CTTNBP2NL: variants seen among roughly 807,000 people sequenced by gnomAD.
CTTNBP2NL encodes the protein CTTNBP2 N-terminal like, also known as CTTNBP2 N-terminal-like protein.
In CTTNBP2NL, 16 loss-of-function variants were observed where a neutral mutation model predicts 32.5. The ratio of observed to expected loss-of-function variants is 0.49; its 90% CI spans 0.33 to 0.75. The LOEUF (loss-of-function observed/expected upper bound fraction) is 0.75. CTTNBP2NL is among the 30% of genes least tolerant of loss of function. CTTNBP2NL has a pLI of 0.02. For missense variants in CTTNBP2NL, 645 were observed against 756.0 expected, an observed-to-expected ratio of 0.85 and a Z score of 1.72; for synonymous variants, 298 against 289.4, an observed-to-expected ratio of 1.03 and a Z score of -0.30.
intron 3 of CTTNBP2NL, among the ~76,000 whole-genome samples, chr1:112,437,801 G>T (rs1319514154): frequency 2.0e-5 from 3 of 152,186 alleles, no homozygotes; most frequent in Non-Finnish European, 4.4e-5. Flanking sequence ...GGGATTGCAG[G>T]TGTGAGCCAC....
At chr1:112,427,268 CG>C (rs1410500769) in intron 3 of CTTNBP2NL, among the ~76,000 whole-genome samples, 1 of 152,038 alleles carries the variant, frequency 6.6e-6, no homozygotes, top group African/African-American at 2.4e-5. Flanking sequence ...CATTTTTTCT[CG>C]TTAATCTGGG....
upstream of CTTNBP2NL, among the ~76,000 whole-genome samples, chr1:112,393,505 G>T (rs926327258): frequency 6.6e-6 from 1 of 152,098 alleles, no homozygotes; most frequent in Non-Finnish European, 1.5e-5. Flanking sequence ...CTAAGATATT[G>T]TTATGAACCA....
At chr1:112,419,585 A>G (rs972504824) in intron 3 of CTTNBP2NL, among the ~76,000 whole-genome samples, 3 of 152,186 alleles carry the variant, frequency 2.0e-5, no homozygotes, top group African/African-American at 4.8e-5. Flanking sequence ...CAAGTTCACT[A>G]TAAGTCCATA....
At chr1:112,427,259 A>AT (rs1190320495) in intron 3 of CTTNBP2NL, among the ~76,000 whole-genome samples, 2 of 152,146 alleles carry the variant, frequency 1.3e-5, no homozygotes, top group Non-Finnish European at 2.9e-5. Context: ...TTCCGAAGGC[A>AT]TTTTTTCTCG....
intron 4 of CTTNBP2NL, among the ~76,000 whole-genome samples, chr1:112,454,090 T>TC (rs914920674): frequency 6.6e-6 from 1 of 152,198 alleles, no homozygotes; most frequent in Non-Finnish European, 1.5e-5. Flanking sequence ...CCTGTCTTGC[T>TC]CCATCACCTA....
Position 112,457,072 on chromosome 1 carries a change from C to G in CTTNBP2NL, c.1580C>G (p.Ser527Cys), listed in dbSNP as rs201802276. 6.2e-7 allele frequency: 1 copy of G among 1,614,204 alleles called. No homozygotes were observed. Among genetic ancestry groups the G allele is most frequent in the Non-Finnish European group, 8.5e-7 (1 of 1,180,040 alleles). ...GPIKPVSPNS[S>C]PFGTDYRNLA... Reference sequence around the variant, plus strand: ...ATCAAGCCAGTCTCTCCCAACAGCTCTCCCTTTGGCACAGACTATCGAAAT... The same window carrying G: ...ATCAAGCCAGTCTCTCCCAACAGCTGTCCCTTTGGCACAGACTATCGAAAT... The change falls in exon 6 of 6, where the codon TCT (serine) becomes TGT (cysteine). Residue 527 changes from serine to cysteine, a missense_variant. By Grantham distance (112) the Ser-to-Cys change is moderately radical. Coordinates refer to ENST00000271277, the MANE Select transcript of CTTNBP2NL (RefSeq NM_018704.3).
intron 3 of CTTNBP2NL, among the ~76,000 whole-genome samples, chr1:112,423,271 ACT>A (rs1204770303): frequency 6.6e-6 from 1 of 151,242 alleles, no homozygotes; most frequent in African/African-American, 2.4e-5. Context: ...CATTATCTTA[ACT>A]CTATTTTTTT....
In CTTNBP2NL at chr1:112,454,453, TC is replaced by T. The variant is rs777004280; in HGVS notation, c.337del (p.Leu113Ter). The T allele has an allele frequency of 6.2e-7, 1 of 1,612,562 alleles. No homozygotes were observed. Among genetic ancestry groups the T allele is most frequent in the Non-Finnish European group, 8.5e-7 (1 of 1,178,634 alleles). The stretch of plus-strand genomic sequence containing the variant: ...AATTTAAAAAATTCTTTAAAGGTGA[TC>T]CTAGACCTTGAGGAAGAAAGGCAGC... ...AAAESRHRKV[I>X]LDLEEERQRH... On this transcript the variant is annotated frameshift_variant, in exon 5 of 6. Coordinates refer to ENST00000271277, the MANE Select transcript of CTTNBP2NL (RefSeq NM_018704.3). LOFTEE classifies it high-confidence loss of function.
intron 1 of CTTNBP2NL, among the ~76,000 whole-genome samples, chr1:112,400,503 A>T (rs1648466660): frequency 6.6e-6 from 1 of 152,202 alleles, no homozygotes; most frequent in South Asian, 2.1e-4. Flanking sequence ...TCTACTAAAA[A>T]TACAAAAATT....
In CTTNBP2NL at chr1:112,457,336, T is replaced by A. The variant is rs1374652890; in HGVS notation, c.1844T>A (p.Leu615His). 1 of 1,614,074 alleles carries A rather than the reference T, an allele frequency of 6.2e-7. No homozygotes were observed. Among genetic ancestry groups the A allele is most frequent in the African/African-American group, 1.3e-5 (1 of 74,936 alleles). Residue 615 changes from leucine (L) to histidine (H), a missense_variant, in exon 6 of 6, where the codon CTT (leucine) becomes CAT (histidine). By Grantham distance (99) the Leu-to-His change is moderately conservative. Transcript: ENST00000271277. ...GCCTCTTTGACCACTGCAGAAGACC[T>A]TGCCAGCAGCTGCTCTTCCAATACT... Reference protein sequence around the residue: ...QAASLTTAEDLASSCSSNTVV... With the variant: ...QAASLTTAEDHASSCSSNTVV...
intron 2 of CTTNBP2NL, among the ~76,000 whole-genome samples, chr1:112,414,048 C>CA (rs1386239630): frequency 2.7e-5 from 4 of 148,070 alleles, no homozygotes; most frequent in Non-Finnish European, 4.5e-5. Context: ...AACTCTGTCT[C>CA]AAAAAAATAA....
chr1:112,398,337 G>A (rs1648391577), intron 1 of CTTNBP2NL, among the ~76,000 whole-genome samples: 1 of 152,258 alleles, frequency 6.6e-6, no homozygotes, highest in East Asian at 1.9e-4. Flanking sequence ...GAAAAGCATA[G>A]TATGCAGAGG....
intron 3 of CTTNBP2NL, among the ~76,000 whole-genome samples, chr1:112,419,206 C>T (rs998534474): frequency 6.6e-6 from 1 of 152,020 alleles, no homozygotes; most frequent in Non-Finnish European, 1.5e-5. Context: ...AGAAGATTTA[C>T]AGGCAAAAAT....
intron 3 of CTTNBP2NL, among the ~76,000 whole-genome samples, chr1:112,431,036 G>A (rs924604199): frequency 3.3e-5 from 5 of 152,182 alleles, no homozygotes; most frequent in African/African-American, 1.2e-4. Context: ...ATGTCTTCCT[G>A]TGGGTTCTGT....
At chr1:112,444,496 G>A (rs1649979905) in intron 3 of CTTNBP2NL, among the ~76,000 whole-genome samples, 1 of 152,152 alleles carries the variant, frequency 6.6e-6, no homozygotes, top group Non-Finnish European at 1.5e-5. Context: ...TAGATGACTA[G>A]TGTGCTCTGG....
At chr1:112,448,266 G>A (rs1042535898) in intron 3 of CTTNBP2NL, among the ~76,000 whole-genome samples, 4 of 152,224 alleles carry the variant, frequency 2.6e-5, no homozygotes, top group African/African-American at 9.6e-5. Flanking sequence ...TTGTCTGCAT[G>A]TCTGGTTATG....
At chr1:112,437,404 T>A (rs111334346) in intron 3 of CTTNBP2NL, among the ~76,000 whole-genome samples, 3,894 of 152,360 alleles carry the variant, frequency 0.026, 165 homozygotes, top group African/African-American at 0.089. Context: ...TTTTAAAATA[T>A]GCTTGTTGGC....
intron 3 of CTTNBP2NL, among the ~76,000 whole-genome samples, chr1:112,425,632 C>G (rs1175629): frequency 0.57 from 86,263 of 151,036 alleles, 25,402 homozygotes; most frequent in South Asian, 0.71. Flanking sequence ...GGGAGGCCTT[C>G]GTGGGTGGAT....
intron 3 of CTTNBP2NL, among the ~76,000 whole-genome samples, chr1:112,436,685 T>G (rs1363349275): frequency 6.6e-6 from 1 of 151,842 alleles, no homozygotes; most frequent in East Asian, 1.9e-4. Flanking sequence ...TATTTTAAGT[T>G]CAGGGGTACA....
Sources: gnomAD v4.1 joint callset for allele counts (sites outside exome capture counted in the v4.1 genomes callset) on GRCh38, gnomAD v4.1.1 for gene constraint, MANE v1.5 for transcripts, NCBI Gene and HGNC (gene_info 2026-07-23, HGNC 2026-07-21) for gene names.